The following CSNK2A2IP variants were observed in gnomAD, a reference collection of about 807,000 sequenced individuals.
The protein encoded by CSNK2A2IP is casein kinase II subunit alpha'-interacting protein.
the CSNK2A2IP span, among the ~76,000 whole-genome samples, chr3:88,370,624 CTTT>C: frequency 6.7e-6 from 1 of 149,386 alleles, no homozygotes; most frequent in Non-Finnish European, 1.5e-5. Flanking sequence ...TTCTTTCTTT[CTTT>C]CTTTCTTTTC....
chr3:88,460,093 A>G, the CSNK2A2IP span, among the ~76,000 whole-genome samples: 5 of 152,200 alleles, frequency 3.3e-5, no homozygotes, highest in Admixed American at 3.3e-4. Context: ...ATATAACATT[A>G]TAAATATCTG....
At chr3:88,406,783 G>GA in the CSNK2A2IP span, among the ~76,000 whole-genome samples, 5 of 151,734 alleles carry the variant, frequency 3.3e-5, no homozygotes, top group Non-Finnish European at 5.9e-5. Context: ...TCTCTGGAAA[G>GA]AAAAAAAATG....
At chr3:88,423,583 G>A in the CSNK2A2IP span, among the ~76,000 whole-genome samples, 2 of 152,090 alleles carry the variant, frequency 1.3e-5, no homozygotes, top group Non-Finnish European at 2.9e-5. Flanking sequence ...CATAGATGAG[G>A]AATTTGAGGC....
chr3:88,367,693 G>A, the CSNK2A2IP span, among the ~76,000 whole-genome samples: 4 of 151,986 alleles, frequency 2.6e-5, no homozygotes, highest in African/African-American at 9.7e-5. Context: ...AAACGCACAT[G>A]GCCCTTTTCA....
the CSNK2A2IP span, among the ~76,000 whole-genome samples, chr3:88,442,833 C>T: frequency 6.6e-6 from 1 of 151,430 alleles, no homozygotes; most frequent in Admixed American, 6.6e-5. Context: ...ATAATGAGTT[C>T]TTATAGAATT....
chr3:88,353,950 G>A, the CSNK2A2IP span, among the ~76,000 whole-genome samples: 1 of 152,142 alleles, frequency 6.6e-6, no homozygotes, highest in African/African-American at 2.4e-5. Flanking sequence ...GGTCATGTGG[G>A]TGGATACCTC....
the CSNK2A2IP span, among the ~76,000 whole-genome samples, chr3:88,453,490 G>A: frequency 6.6e-6 from 1 of 151,936 alleles, no homozygotes; most frequent in Non-Finnish European, 1.5e-5. Flanking sequence ...AATACTAAAT[G>A]CATCTTCACT....
At chr3:88,448,945 C>T in the CSNK2A2IP span, among the ~76,000 whole-genome samples, 1 of 152,060 alleles carries the variant, frequency 6.6e-6, no homozygotes, top group African/African-American at 2.4e-5. Context: ...GGTCTTTCTC[C>T]TCCTTTGACT....
chr3:88,407,099 T>A, the CSNK2A2IP span, among the ~76,000 whole-genome samples: 1 of 152,138 alleles, frequency 6.6e-6, no homozygotes, highest in Admixed American at 6.5e-5. Context: ...AACTTCTTCT[T>A]CTACTAACCA....
At chr3:88,404,999 G>A in the CSNK2A2IP span, among the ~76,000 whole-genome samples, 3 of 152,096 alleles carry the variant, frequency 2.0e-5, no homozygotes, top group East Asian at 1.9e-4. Context: ...TTTAGGTGAC[G>A]TTTGATTGAC....
At chr3:88,438,267 C>G in the CSNK2A2IP span, among the ~76,000 whole-genome samples, 1 of 152,204 alleles carries the variant, frequency 6.6e-6, no homozygotes, top group African/African-American at 2.4e-5. Flanking sequence ...AAAGATAATA[C>G]TTTAAAGTAT....
At chr3:88,462,539 T>C in the CSNK2A2IP span, among the ~76,000 whole-genome samples, 3 of 152,114 alleles carry the variant, frequency 2.0e-5, no homozygotes, top group African/African-American at 7.2e-5. Flanking sequence ...TGGAAAAATA[T>C]ACAGAAATTA....
the CSNK2A2IP span, among the ~76,000 whole-genome samples, chr3:88,379,182 T>C: frequency 3.9e-5 from 6 of 152,020 alleles, no homozygotes; most frequent in African/African-American, 9.7e-5. Context: ...AGATTCACCA[T>C]AGCTCTAATC....
the CSNK2A2IP span, among the ~76,000 whole-genome samples, chr3:88,387,367 C>G: frequency 2.0e-5 from 3 of 152,034 alleles, no homozygotes; most frequent in Non-Finnish European, 4.4e-5. Context: ...GATGGGGTTT[C>G]ACCATGTTGG....
At chr3:88,443,498 TG>T in the CSNK2A2IP span, among the ~76,000 whole-genome samples, 1 of 152,136 alleles carries the variant, frequency 6.6e-6, no homozygotes, top group African/African-American at 2.4e-5. Context: ...AGAGGATGAC[TG>T]AAAACAGATG....
the CSNK2A2IP span, among the ~76,000 whole-genome samples, chr3:88,377,170 C>A: frequency 3.3e-5 from 5 of 151,746 alleles, no homozygotes; most frequent in Admixed American, 6.6e-5. Context: ...ATTTCCACTG[C>A]TGAAGATCTT....
the CSNK2A2IP span, among the ~76,000 whole-genome samples, chr3:88,396,843 G>A: frequency 3.3e-5 from 5 of 152,138 alleles, no homozygotes; most frequent in Admixed American, 1.3e-4. Flanking sequence ...ACAGTTAAGC[G>A]GGTACAGCAA....
chr3:88,437,993 A>C, the CSNK2A2IP span, among the ~76,000 whole-genome samples: 19 of 152,332 alleles, frequency 1.2e-4, no homozygotes, highest in East Asian at 3.1e-3. Context: ...AAATTATTCA[A>C]AACACTCAAC....
chr3:88,410,207 A>C, the CSNK2A2IP span, among the ~76,000 whole-genome samples: 1 of 152,094 alleles, frequency 6.6e-6, no homozygotes, highest in Admixed American at 6.5e-5. Flanking sequence ...TGAAAACTAC[A>C]TGGGGCGATA....
Sources: allele counts gnomAD v4.1 joint callset (sites outside exome capture counted in the v4.1 genomes callset), GRCh38; gene constraint gnomAD v4.1.1; transcripts MANE v1.5; gene names NCBI Gene and HGNC (gene_info 2026-07-23, HGNC 2026-07-21).